MARCHF11: variants seen among roughly 807,000 people sequenced by gnomAD.
MARCHF11 encodes the protein E3 ubiquitin-protein ligase MARCHF11.
Under a neutral mutation model 37.3 loss-of-function variants are expected in MARCHF11, and 29 were observed. The ratio of observed to expected loss-of-function variants is 0.78; its 90% confidence interval spans 0.58 to 1.06. The LOEUF (loss-of-function observed/expected upper bound fraction) is 1.06. MARCHF11 is among the 50% of genes least tolerant of loss of function. The probability of loss-of-function intolerance (pLI) is 0.00; values close to 1 mark genes in which losing one functional copy is unlikely to be tolerated. For missense variants in MARCHF11, 482 were observed against 533.4 expected (o/e 0.90, Z 0.95); for synonymous variants, 233 against 228.0 (o/e 1.02, Z -0.20).
intron 2 of MARCHF11, among the ~76,000 whole-genome samples, chr5:16,112,665 T>C (rs979403109): frequency 2.0e-5 from 3 of 152,178 alleles, no homozygotes; most frequent in African/African-American, 7.2e-5. Flanking sequence ...TGGGGGACTG[T>C]TGGGAAGGCA....
chr5:16,123,631 C>T (rs1031493184), intron 2 of MARCHF11, among the ~76,000 whole-genome samples: 1 of 152,058 alleles, frequency 6.6e-6, no homozygotes, highest in African/African-American at 2.4e-5. Flanking sequence ...GGTGATGTTG[C>T]AGTGATTGTA....
chr5:16,115,092 A>G (rs1371406637), intron 2 of MARCHF11, among the ~76,000 whole-genome samples: 5 of 152,206 alleles, frequency 3.3e-5, no homozygotes, highest in Non-Finnish European at 1.5e-5. Context: ...TAAATCATGA[A>G]TCTTGACTGC....
chr5:16,096,382 A>T (rs977286234), intron 2 of MARCHF11, among the ~76,000 whole-genome samples: 1 of 152,208 alleles, frequency 6.6e-6, no homozygotes, highest in Non-Finnish European at 1.5e-5. Context: ...AAATTTTGGG[A>T]GAAATTAAAT....
intron 3 of MARCHF11, among the ~76,000 whole-genome samples, chr5:16,077,578 A>G (rs922838360): frequency 1.3e-5 from 2 of 152,200 alleles, no homozygotes; most frequent in Non-Finnish European, 2.9e-5. Context: ...AACAGAAACT[A>G]CCATCTAAGT....
chr5:16,088,042 T>C (rs945657120), intron 3 of MARCHF11, among the ~76,000 whole-genome samples: 2 of 152,232 alleles, frequency 1.3e-5, no homozygotes, highest in African/African-American at 4.8e-5. Flanking sequence ...GAAAGAGGGA[T>C]GTCTCCAATT....
chr5:16,145,395 C>T (rs945871724), intron 2 of MARCHF11, among the ~76,000 whole-genome samples: 3 of 152,142 alleles, frequency 2.0e-5, no homozygotes, highest in Non-Finnish European at 4.4e-5. Flanking sequence ...GGACCTTTCT[C>T]CCCTCTGGAG....
At chr5:16,117,570 C>T (rs1035395345) in intron 2 of MARCHF11, among the ~76,000 whole-genome samples, 7 of 152,196 alleles carry the variant, frequency 4.6e-5, no homozygotes, top group Non-Finnish European at 7.3e-5. Context: ...ACAGGCCCAA[C>T]AGAAGTTGGT....
At chr5:16,122,355 C>G (rs1579394423) in intron 2 of MARCHF11, among the ~76,000 whole-genome samples, 1 of 152,158 alleles carries the variant, frequency 6.6e-6, no homozygotes, top group Admixed American at 6.5e-5. Context: ...CCAGTCTTGC[C>G]ATGCCACCTA....
At position 16,091,098 on chromosome 5, in the gene MARCHF11, G is replaced by A. The variant is rs745350411; in HGVS notation, c.694-17C>T. 3 of 1,547,668 alleles carry A rather than the reference G, an allele frequency of 1.9e-6. No individual in the cohort carries two copies. Among genetic ancestry groups the A allele is most frequent in the South Asian group, 2.4e-5 (2 of 82,328 alleles). ...GCTCTGCCACTAAAAGAAAAACAGAGGCATGTAAGAAAGGAGCTGTGTATA... is the reference window on the plus strand; with the variant it reads ...GCTCTGCCACTAAAAGAAAAACAGAAGCATGTAAGAAAGGAGCTGTGTATA... On this transcript the variant is annotated splice_polypyrimidine_tract_variant and intron_variant, in intron 2 of 3. Transcript: ENST00000332432.
chr5:16,177,850 C>G lies in MARCHF11; in HGVS notation c.569G>C (p.Gly190Ala). 6.2e-7 allele frequency: 1 copy of G among 1,611,768 alleles called. No individual in the cohort carries two copies. The highest frequency in any genetic ancestry group is 8.5e-7 in the Non-Finnish European group (1 of 1,178,854). The stretch of plus-strand genomic sequence containing the variant: ...CAGCTGATGTGTATACCGAACTGAC[C>G]CATCACATCGGCAGGGGTTCAACAA... ...GELLNPCRCDGSVRYTHQLCL... is the reference protein window; with the variant it reads ...GELLNPCRCDASVRYTHQLCL... Residue 190 changes from glycine (G) to alanine (A), a missense_variant, in exon 2 of 4, where the codon GGG (glycine) becomes GCG (alanine). Gly to Ala is a moderately conservative substitution (Grantham distance 60). Transcript: ENST00000332432.
chr5:16,123,736 T>C (rs1737352218), intron 2 of MARCHF11, among the ~76,000 whole-genome samples: 1 of 142,896 alleles, frequency 7.0e-6, no homozygotes, highest in Non-Finnish European at 1.5e-5. Flanking sequence ...TGCTGCAGCA[T>C]CTCCGATCAT....
chr5:16,090,453 A>G (rs1355536471), intron 3 of MARCHF11, among the ~76,000 whole-genome samples: 3 of 152,174 alleles, frequency 2.0e-5, no homozygotes, highest in Non-Finnish European at 4.4e-5. Context: ...GAATCTGCAC[A>G]GTCATCATGA....
At chr5:16,077,233 T>C (rs984207995) in intron 3 of MARCHF11, among the ~76,000 whole-genome samples, 5 of 152,184 alleles carry the variant, frequency 3.3e-5, no homozygotes, top group Admixed American at 6.5e-5. Flanking sequence ...AGCCAGTTCT[T>C]AGAAAGAGAC....
Position 16,124,901 on chromosome 5 carries a change from T to C in MARCHF11, c.694-33820A>G, listed in dbSNP as rs145934655. 1.7e-3 allele frequency among the ~76,000 whole-genome samples: 265 copies of C among 151,562 alleles called. 11 individuals carry two copies. The highest frequency in any genetic ancestry group is 3.1e-3 in the Non-Finnish European group (213 of 67,658). On this transcript the variant is annotated intron_variant, in intron 2 of 3. Coordinates refer to ENST00000332432, the MANE Select transcript of MARCHF11 (RefSeq NM_001102562.3). ...AATAGAATATGTAAATCCATACTTC[T>C]AATAACCTCTTAGTCGTTTCTAAGT...
At chr5:16,142,678 T>C (rs1737729841) in intron 2 of MARCHF11, among the ~76,000 whole-genome samples, 1 of 146,328 alleles carries the variant, frequency 6.8e-6, no homozygotes, top group Non-Finnish European at 1.5e-5. Flanking sequence ...TGTACACTTC[T>C]TATATTTTAT....
intron 2 of MARCHF11, among the ~76,000 whole-genome samples, chr5:16,168,916 A>T (rs949321820): frequency 3.3e-5 from 5 of 152,132 alleles, no homozygotes; most frequent in Non-Finnish European, 7.4e-5. Flanking sequence ...CTACAAATAT[A>T]ACATAGGAAA....
At chr5:16,112,987 G>A (rs113497292) in intron 2 of MARCHF11, among the ~76,000 whole-genome samples, 3,776 of 152,078 alleles carry the variant, frequency 0.025, 173 homozygotes, top group African/African-American at 0.086. Context: ...CTTTTTCGTC[G>A]TAAATTACCC....
At chr5:16,091,717 T>G (rs1365314637) in intron 2 of MARCHF11, among the ~76,000 whole-genome samples, 1 of 152,258 alleles carries the variant, frequency 6.6e-6, no homozygotes, top group African/African-American at 2.4e-5. Context: ...TTAGAATTTG[T>G]ACCTACATGA....
chr5:16,070,985 A>C (rs1449103724), intron 3 of MARCHF11, among the ~76,000 whole-genome samples: 1 of 151,780 alleles, frequency 6.6e-6, no homozygotes, highest in Non-Finnish European at 1.5e-5. Flanking sequence ...CGTTACGGCG[A>C]ACACCTTTTG....
Sources: gnomAD v4.1 joint callset for allele counts (sites outside exome capture counted in the v4.1 genomes callset) on GRCh38, gnomAD v4.1.1 for gene constraint, MANE v1.5 for transcripts, NCBI Gene and HGNC (gene_info 2026-07-23, HGNC 2026-07-21) for gene names.